The following MORN1 variants were observed in gnomAD, a reference collection of about 807,000 sequenced individuals.
MORN1 encodes the protein MORN repeat containing 1, also known as MORN repeat-containing protein 1.
Under a neutral mutation model 61.9 loss-of-function variants are expected in MORN1, and 67 were observed. The observed-to-expected ratio is 1.08, with a 90% CI of 0.89 to 1.33. The LOEUF (loss-of-function observed/expected upper bound fraction) is 1.33, where lower values mean the gene tolerates loss of function less well. Ranked by LOEUF, MORN1 falls within the 40% of genes most tolerant of loss-of-function variation. The pLI, the probability that MORN1 is intolerant of heterozygous loss-of-function variation, is 0.00. For missense variants in MORN1, 752 were observed against 691.2 expected (o/e 1.09, Z -0.99); for synonymous variants, 301 against 292.0 (o/e 1.03, Z -0.31).
Position 2,336,819 on chromosome 1 carries a change from G to A in MORN1, c.1068C>T (p.Ala356=), listed in dbSNP as rs1208553124. The A allele has an allele frequency of 1.3e-6, 2 of 1,597,314 alleles. No individual in the cohort carries two copies. The highest frequency in any genetic ancestry group is 2.2e-5 in the East Asian group (1 of 44,666). ...ARGHAPHCPG[A]CQRVEQGCAE... ...CACAGCCCTGCTCCACTCGCTGACA[G>A]GCCCCGGGACAATGGGGCGCATGTC... Residue 356 remains alanine (A), a synonymous_variant, in exon 11 of 14, where the codon GCC becomes GCT. Coordinates refer to ENST00000378531, the MANE Select transcript of MORN1 (RefSeq NM_024848.3).
chr1:2,355,346 G>C, intron 10 of MORN1: 1 of 1,522,390 alleles, frequency 6.6e-7, no homozygotes, highest in Non-Finnish European at 8.9e-7. Context: ...GCCGGGCCCT[G>C]CTGCCCCACC....
intron 1 of MORN1, chr1:2,390,678 A>G (rs1315288908): frequency 2.0e-6 from 2 of 985,034 alleles, no homozygotes; most frequent in South Asian, 4.7e-5. Flanking sequence ...CTACCTGAAG[A>G]TAGTAGTGTT....
Position 2,357,515 on chromosome 1 carries a change from G to C in MORN1, c.953C>G (p.Ala318Gly). Residue 318 changes from alanine to glycine, a missense_variant, in exon 10 of 14, where the codon GCC (alanine) becomes GGC (glycine). Physicochemically the swap from Ala to Gly is moderately conservative, Grantham distance 60 (BLOSUM62 0). Transcript: ENST00000378531. This position sits in a 1 kb window ranked among gnomAD's most constrained non-coding sequence, Gnocchi z 6.3. ...GTCTCCCCTGGGCAGGGGCACGTCG[G>C]CTTCTGCCCCTCCCTTGGCAGCTCT... Reference protein sequence around the residue: ...GPRAAKGGAEADVPLPRGDLE... With the variant: ...GPRAAKGGAEGDVPLPRGDLE... 6.2e-7 allele frequency: 1 copy of C among 1,612,792 alleles called. No individual in the cohort carries two copies. The highest frequency in any genetic ancestry group is 8.5e-7 in the Non-Finnish European group (1 of 1,179,690).
chr1:2,329,166 G>GT (rs1487150641), intron 12 of MORN1, among the ~76,000 whole-genome samples: 1 of 152,138 alleles, frequency 6.6e-6, no homozygotes. Context: ...TGTGCGAAGA[G>GT]TTAACGGCCG....
chr1:2,372,848 C>T lies in MORN1; in HGVS notation c.635-257G>A, dbSNP rs550606802. On this transcript the variant is annotated intron_variant, in intron 7 of 13. Coordinates refer to ENST00000378531, the MANE Select transcript of MORN1 (RefSeq NM_024848.3). The surrounding 1 kb of genome is among the most constrained non-coding windows in gnomAD (Gnocchi z 5.4). Reference sequence around the variant, plus strand: ...ATCGAACCAAGTGGACCACCGGGGCCACGGAGCATGCAAGAGACACAAGTG... The same window carrying T: ...ATCGAACCAAGTGGACCACCGGGGCTACGGAGCATGCAAGAGACACAAGTG... 1.3e-5 allele frequency among the ~76,000 whole-genome samples: 2 copies of T among 152,372 alleles called. No homozygotes were observed. The highest frequency in any genetic ancestry group is 1.3e-4 in the Admixed American group (2 of 15,310).
chr1:2,336,946 G>C, intron 10 of MORN1, 96 bp from the exon 11 acceptor site: 1 of 1,323,000 alleles, frequency 7.6e-7, no homozygotes, highest in Non-Finnish European at 9.8e-7. Flanking sequence ...TCTGGCCAGG[G>C]CAGCGGGCAC....
At chr1:2,389,556 C>T (rs2100382171) in intron 2 of MORN1, among the ~76,000 whole-genome samples, 1 of 152,396 alleles carries the variant, frequency 6.6e-6, no homozygotes, top group South Asian at 2.1e-4. Flanking sequence ...GCGTGAGCCA[C>T]TGCGCTTGGC....
At position 2,322,172 on chromosome 1, in the gene MORN1, T is replaced by C. The variant is rs758659210; in HGVS notation, c.1298-593A>G. 3 of 985,154 alleles carry C rather than the reference T, an allele frequency of 3.0e-6. No individual in the cohort carries two copies. In the African/African-American group the frequency reaches 5.2e-5, roughly 17 times the overall value. The allele number at this position is 985,154 out of a possible 1,614,324, so 61.0% of individuals were successfully genotyped here. A position where few individuals can be genotyped will look rare whatever the true frequency, so the allele number is the denominator to read the frequency against. On this transcript the variant is annotated intron_variant, in intron 13 of 13. Coordinates refer to ENST00000378531, the MANE Select transcript of MORN1 (RefSeq NM_024848.3). Reference sequence around the variant, plus strand: ...AGGAAAAGTACTTTTCCTTTCACAGTCTGTAAACTGTCTGGAGAGCTTCAA... The same window carrying C: ...AGGAAAAGTACTTTTCCTTTCACAGCCTGTAAACTGTCTGGAGAGCTTCAA...
At chr1:2,385,169 G>C (rs578163266) in intron 5 of MORN1, 104 bp from the exon 6 acceptor site, 4 of 1,240,498 alleles carry the variant, frequency 3.2e-6, no homozygotes, top group Non-Finnish European at 4.5e-6. Context: ...CTGCGGGACC[G>C]AGGCAAAAAT....
At position 2,336,947 on chromosome 1, in the gene MORN1, C is replaced by A. The variant is rs534789335; in HGVS notation, c.1037-97G>T. 2,212 of 1,297,862 alleles carry A rather than the reference C, an allele frequency of 1.7e-3. 7 individuals are homozygous for A. Among genetic ancestry groups the A allele is most frequent in the Non-Finnish European group, 2.1e-3 (2,081 of 1,003,158 alleles). The allele number at this position is 1,297,862 out of a possible 1,614,324, so 80.4% of individuals were successfully genotyped here. Reference sequence around the variant, plus strand: ...TGCTGAAGTGTGGCTCTGGCCAGGGCAGCGGGCACAGACGCCAGTCGCGAT... The same window carrying A: ...TGCTGAAGTGTGGCTCTGGCCAGGGAAGCGGGCACAGACGCCAGTCGCGAT... On this transcript the variant is annotated intron_variant, in intron 10 of 13. Transcript: ENST00000378531.
chr1:2,322,535 G>A, intron 13 of MORN1: 1 of 985,248 alleles, frequency 1.0e-6, no homozygotes, highest in Non-Finnish European at 1.2e-6. Flanking sequence ...GAATGTGCTT[G>A]GCCCCGAGTC....
At chr1:2,381,982 T>C (rs567755251) in intron 6 of MORN1, among the ~76,000 whole-genome samples, 1 of 152,256 alleles carries the variant, frequency 6.6e-6, no homozygotes, top group African/African-American at 2.4e-5. Flanking sequence ...CGCCGTCCCT[T>C]GCCTGGTCCT....
At chr1:2,387,607 G>A in intron 3 of MORN1, 78 bp from the exon 4 acceptor site, 2 of 1,003,402 alleles carry the variant, frequency 2.0e-6, no homozygotes, top group South Asian at 2.6e-5. Flanking sequence ...CTCTGTCCCT[G>A]GCCCATGACA....
At chr1:2,350,361 C>G (rs1384878396) in intron 10 of MORN1, 2 of 152,174 alleles carry the variant, frequency 1.3e-5, no homozygotes, top group Admixed American at 1.3e-4. Flanking sequence ...TAATAAAATA[C>G]TGTGATGTGC....
intron 10 of MORN1, among the ~76,000 whole-genome samples, chr1:2,356,096 G>A (rs754751675): frequency 2.6e-5 from 4 of 152,312 alleles, no homozygotes; most frequent in South Asian, 4.1e-4. Flanking sequence ...ACTCAGGGGC[G>A]GCAGGTGGGG....
rs896448710 is a variant in MORN1, at chr1:2,359,140, G to T, written c.746-425C>A. On this transcript the variant is annotated intron_variant, in intron 8 of 13. Coordinates refer to ENST00000378531, the MANE Select transcript of MORN1 (RefSeq NM_024848.3). ...CACCCAGGCCTTGGGCTGGTCAGGGGCGTGGGGTGGCACTGGCACTCACAA... is the reference window on the plus strand; with the variant it reads ...CACCCAGGCCTTGGGCTGGTCAGGGTCGTGGGGTGGCACTGGCACTCACAA... Among the ~76,000 whole-genome samples the T allele has an allele frequency of 3.9e-5, 6 of 152,274 alleles. No individual in the cohort carries two copies. In the East Asian group the frequency reaches 7.7e-4, roughly 20 times the overall value.
At chr1:2,323,584 G>A (rs1640931434) in intron 13 of MORN1, 1 of 985,306 alleles carries the variant, frequency 1.0e-6, no homozygotes, top group South Asian at 4.7e-5. Context: ...ACTGGAGGAG[G>A]CCCCACGGCT....
chr1:2,343,353 CG>C (rs1641443147), intron 10 of MORN1, among the ~76,000 whole-genome samples: 1 of 152,184 alleles, frequency 6.6e-6, no homozygotes, highest in Non-Finnish European at 1.5e-5. Context: ...CTGCCAGAGC[CG>C]CTGGGCCCTG....
intron 10 of MORN1, among the ~76,000 whole-genome samples, chr1:2,349,925 C>T (rs921200456): frequency 6.6e-6 from 1 of 152,224 alleles, no homozygotes; most frequent in African/African-American, 2.4e-5. Flanking sequence ...ACCTGACGTC[C>T]TCTCACGGCT....
Sources: gnomAD v4.1 joint callset for allele counts (sites outside exome capture counted in the v4.1 genomes callset) on GRCh38, gnomAD v4.1.1 for gene constraint, Gnocchi (gnomAD v3.1) non-coding constraint, MANE v1.5 for transcripts, NCBI Gene and HGNC (gene_info 2026-07-23, HGNC 2026-07-21) for gene names.